The following PCDH15 variants were observed in gnomAD, a reference collection of about 807,000 sequenced individuals.
The protein encoded by PCDH15 is protocadherin-15.
In PCDH15, 129 loss-of-function variants were observed where a neutral mutation model predicts 178.5. The ratio of observed to expected loss-of-function variants is 0.72; its 90% CI spans 0.63 to 0.84. PCDH15 has a LOEUF of 0.84. PCDH15 is among the 40% of genes least tolerant of loss of function. PCDH15 has a pLI of 0.00. For synonymous variants in PCDH15, 800 were observed against 732.0 expected (o/e 1.09, Z -1.50); for missense variants, 2,230 against 2,099.9 (o/e 1.06, Z -1.21).
intron 1 of PCDH15, among the ~76,000 whole-genome samples, chr10:55,255,050 C>T (rs1841953007): frequency 6.6e-6 from 1 of 152,042 alleles, no homozygotes; most frequent in African/African-American, 2.4e-5. Context: ...GTGCTGCACC[C>T]ATTAACTAGT....
intron 32 of PCDH15, chr10:53,821,532 T>C (rs2076269622): frequency 1.9e-6 from 2 of 1,076,108 alleles, no homozygotes; most frequent in Admixed American, 4.8e-5. Flanking sequence ...ATCCACATGA[T>C]AGACATGCCT....
chr10:55,051,491 A>G (rs910351593), intron 2 of PCDH15, among the ~76,000 whole-genome samples: 1 of 152,210 alleles, frequency 6.6e-6, no homozygotes, highest in African/African-American at 2.4e-5. Flanking sequence ...ATGATACAAA[A>G]AAGTATAAAT....
intron 2 of PCDH15, among the ~76,000 whole-genome samples, chr10:55,127,834 G>A (rs1837942180): frequency 6.6e-6 from 1 of 151,976 alleles, no homozygotes; most frequent in Non-Finnish European, 1.5e-5. Context: ...ATATGTGGCT[G>A]TTGTTTCATT....
At chr10:54,068,930 T>C (rs1338518587) in intron 17 of PCDH15, among the ~76,000 whole-genome samples, 1 of 152,234 alleles carries the variant, frequency 6.6e-6, no homozygotes. Context: ...TAAGTATGTT[T>C]AAAGAAATTC....
In PCDH15 at chr10:55,201,947, TC is replaced by T. The variant is rs927979963; in HGVS notation, c.-155-35297del. 3.9e-5 allele frequency among the ~76,000 whole-genome samples: 6 copies of T among 152,162 alleles called. No individual in the cohort carries two copies. In the South Asian group the frequency reaches 8.3e-4, roughly 21 times the overall value. On this transcript the variant is annotated intron_variant, in intron 1 of 5. Coordinates refer to the PCDH15 transcript ENST00000458638. ...AAAGAATTTAAAGTTTTTCATTTTT[TC>T]CCCCTAGGTTTAGAAAATTCTGGGA... is the stretch of plus-strand genomic sequence containing the variant.
At chr10:54,295,362 G>A (rs919162717) in intron 8 of PCDH15, among the ~76,000 whole-genome samples, 8 of 152,178 alleles carry the variant, frequency 5.3e-5, no homozygotes, top group African/African-American at 1.4e-4. Flanking sequence ...TGTGGGCGGG[G>A]CCAAATAAGG....
intron 18 of PCDH15, among the ~76,000 whole-genome samples, chr10:54,062,227 C>CAAAAAAAAAAAAAAAAAAAAAAAAAAA (rs72361686): frequency 3.7e-5 from 2 of 53,828 alleles, no homozygotes; most frequent in Non-Finnish European, 6.5e-5. Context: ...GATTCTGTCT[C>CAAAAAAAAAAAAAAAAAAAAAAAAAAA]AAAAAAAAAA....
intron 2 of PCDH15, among the ~76,000 whole-genome samples, chr10:54,614,589 G>T (rs1412812505): frequency 6.6e-6 from 1 of 151,940 alleles, no homozygotes; most frequent in Non-Finnish European, 1.5e-5. Context: ...TGTACCATCT[G>T]ACCTAATTAT....
chr10:53,843,407 A>G (rs1169560131), intron 28 of PCDH15, among the ~76,000 whole-genome samples: 1 of 135,642 alleles, frequency 7.4e-6, no homozygotes, highest in East Asian at 2.2e-4. Context: ...TCACATATAT[A>G]CATATACCCC....
At chr10:54,690,527 C>T (rs1308771941) in intron 1 of PCDH15, among the ~76,000 whole-genome samples, 4 of 151,884 alleles carry the variant, frequency 2.6e-5, no homozygotes, top group African/African-American at 9.7e-5. Flanking sequence ...GTTGGCCAGG[C>T]TTGTCTCGAT....
At chr10:53,818,811 T>TTATTACAAAGAGGCACA (rs1251169461) in intron 33 of PCDH15, among the ~76,000 whole-genome samples, 13 of 152,122 alleles carry the variant, frequency 8.5e-5, no homozygotes, top group African/African-American at 2.6e-4. Context: ...TAATGAAGAA[T>TTATTACAAAGAGGCACA]TATTACAAAG....
intron 2 of PCDH15, among the ~76,000 whole-genome samples, chr10:55,071,962 T>C (rs1841758255): frequency 6.6e-6 from 1 of 152,036 alleles, no homozygotes; most frequent in African/African-American, 2.4e-5. Flanking sequence ...ACCGCTCAAC[T>C]ACATGGAAAC....
intron 1 of PCDH15, among the ~76,000 whole-genome samples, chr10:55,196,788 A>AT (rs758001297): frequency 3.9e-5 from 6 of 152,028 alleles, no homozygotes; most frequent in Admixed American, 1.3e-4. Context: ...TCCAAAACAC[A>AT]TTTTTTTCAG....
At chr10:53,999,060 A>C (rs2091994144) in intron 20 of PCDH15, among the ~76,000 whole-genome samples, 2 of 151,850 alleles carry the variant, frequency 1.3e-5, no homozygotes, top group South Asian at 2.1e-4. Flanking sequence ...CTCAAAAAAA[A>C]AAAAAAAAAA....
chr10:54,501,935 T>C (rs1326811336), intron 3 of PCDH15, among the ~76,000 whole-genome samples: 1 of 152,116 alleles, frequency 6.6e-6, no homozygotes, highest in African/African-American at 2.4e-5. Flanking sequence ...TAATTATAAA[T>C]GAATCAGTGT....
intron 2 of PCDH15, among the ~76,000 whole-genome samples, chr10:55,522,468 T>C (rs753032962): frequency 6.6e-6 from 1 of 151,808 alleles, no homozygotes; most frequent in African/African-American, 2.4e-5. Context: ...TCAGTTATGT[T>C]AATATTTGCT....
chr10:55,620,852 A>G (rs1266971169), intron 2 of PCDH15, among the ~76,000 whole-genome samples: 1 of 151,560 alleles, frequency 6.6e-6, no homozygotes, highest in Non-Finnish European at 1.5e-5. Flanking sequence ...TACAACTCAA[A>G]TGATATCAGC....
chr10:54,348,534 C>T (rs1021683398), intron 5 of PCDH15, among the ~76,000 whole-genome samples: 5 of 152,126 alleles, frequency 3.3e-5, no homozygotes, highest in Admixed American at 2.6e-4. Context: ...TTCACCCATT[C>T]TTATGTAGCT....
chr10:55,301,998 A>G (rs980202072), intron 1 of PCDH15, among the ~76,000 whole-genome samples: 5 of 152,202 alleles, frequency 3.3e-5, no homozygotes, highest in African/African-American at 1.2e-4. Context: ...CTAGAAAATT[A>G]GACGAAGTTA....
Sources: gnomAD v4.1 joint callset for allele counts (sites outside exome capture counted in the v4.1 genomes callset) on GRCh38, gnomAD v4.1.1 for gene constraint, MANE v1.5 for transcripts, NCBI Gene and HGNC (gene_info 2026-07-23, HGNC 2026-07-21) for gene names.